The following IQGAP2 variants were observed in gnomAD, a reference collection of about 807,000 sequenced individuals.
The protein encoded by IQGAP2 is IQ motif containing GTPase activating protein 2.
In IQGAP2, 173 loss-of-function variants were observed where a neutral mutation model predicts 201.3. That is an observed-to-expected ratio of 0.86 (90% CI 0.76 to 0.98). The LOEUF is 0.98. Ranked by LOEUF, IQGAP2 falls within the 50% of genes least tolerant of loss-of-function variation. The pLI is 0.00. For synonymous variants in IQGAP2, 675 were observed against 673.9 expected (o/e 1.00, Z -0.03); for missense variants, 1,687 against 1,864.8 (o/e 0.90, Z 1.76).
intron 27 of IQGAP2, among the ~76,000 whole-genome samples, chr5:76,675,233 C>T (rs1188024288): frequency 6.6e-6 from 1 of 152,204 alleles, no homozygotes; most frequent in Admixed American, 6.5e-5. Flanking sequence ...ATGCAGAACC[C>T]ACATATACAA....
At chr5:76,555,649 T>TC (rs1743889650) in intron 2 of IQGAP2, among the ~76,000 whole-genome samples, 1 of 152,220 alleles carries the variant, frequency 6.6e-6, no homozygotes, top group South Asian at 2.1e-4. Flanking sequence ...CCTGTAAGGT[T>TC]CAGTAGTGTA....
At chr5:76,485,041 C>T (rs1398193927) in intron 2 of IQGAP2, among the ~76,000 whole-genome samples, 1 of 152,162 alleles carries the variant, frequency 6.6e-6, no homozygotes, top group Non-Finnish European at 1.5e-5. Flanking sequence ...GTTGCCCAGT[C>T]TGGTCTCCAG....
chr5:76,430,256 G>GC (rs11427370), intron 1 of IQGAP2, among the ~76,000 whole-genome samples: 129,286 of 152,128 alleles, frequency 0.85, 55,422 homozygotes, highest in Non-Finnish European at 0.9. Flanking sequence ...AGTGGGAATG[G>GC]CTGTCTCTGC....
At chr5:76,409,442 T>C (rs1397985678) in intron 1 of IQGAP2, among the ~76,000 whole-genome samples, 3 of 151,900 alleles carry the variant, frequency 2.0e-5, no homozygotes, top group African/African-American at 7.3e-5. Context: ...AGATGGGGTT[T>C]CATCATGTCG....
intron 2 of IQGAP2, among the ~76,000 whole-genome samples, chr5:76,498,099 A>C (rs1757086990): frequency 1.3e-5 from 2 of 152,192 alleles, no homozygotes; most frequent in African/African-American, 4.8e-5. Context: ...TAACTGTCTC[A>C]CAATAGTAAG....
chr5:76,570,184 C>G (rs1290294998), intron 3 of IQGAP2, among the ~76,000 whole-genome samples: 2 of 152,110 alleles, frequency 1.3e-5, no homozygotes, highest in Admixed American at 6.5e-5. Flanking sequence ...TCTAAAAATC[C>G]TGTCTTTTTC....
At chr5:76,565,601 G>A (rs1023263563) in intron 3 of IQGAP2, among the ~76,000 whole-genome samples, 4 of 152,172 alleles carry the variant, frequency 2.6e-5, no homozygotes, top group Non-Finnish European at 5.9e-5. Flanking sequence ...ATGCCATAGT[G>A]TATTGTAAAG....
At chr5:76,511,400 G>A (rs1468260082) in intron 2 of IQGAP2, among the ~76,000 whole-genome samples, 4 of 152,210 alleles carry the variant, frequency 2.6e-5, no homozygotes, top group Non-Finnish European at 5.9e-5. Context: ...CGCTGGACCT[G>A]TCAACTTCTA....
chr5:76,490,619 C>T (rs1756478524), intron 2 of IQGAP2, among the ~76,000 whole-genome samples: 1 of 152,080 alleles, frequency 6.6e-6, no homozygotes. Flanking sequence ...GCGGCCTGGC[C>T]AAAATGTAGC....
rs1751524888 is a variant in IQGAP2, at chr5:76,640,942, G to T, written c.1933G>T (p.Glu645Ter). 6.3e-7 allele frequency: 1 copy of T among 1,584,208 alleles called. No individual in the cohort carries two copies. The highest frequency in any genetic ancestry group is 1.3e-5 in the African/African-American group (1 of 74,564). ...AAATATCTCTTGCCAGGACATTATT[G>T]AGGAAGTCACAGTAGGTTACATTCG... Reference protein sequence around the residue: ...LTGKEIEDIIEEVTVGYIREN... With the variant: ...LTGKEIEDII The change falls in exon 17 of 36, where the codon GAG becomes TAG. Residue 645 changes from glutamate to a stop codon, truncating the protein, a stop_gained. Transcript: ENST00000274364. LOFTEE classifies it high-confidence loss of function.
In IQGAP2 at chr5:76,619,852, G is replaced by A. The variant is rs539493457; in HGVS notation, c.1522-7558G>A. On this transcript the variant is annotated intron_variant, in intron 13 of 35. Coordinates refer to ENST00000274364, the MANE Select transcript of IQGAP2 (RefSeq NM_006633.5). ...TCTTAAAATGAGATTTTCCTGGATT[G>A]CCTGGGTGGGTCAAATATAATCATA... Among the ~76,000 whole-genome samples the A allele has an allele frequency of 6.6e-5, 10 of 152,208 alleles. No homozygotes were observed. The East Asian group carries it at 1.7e-3, about 26-fold the overall frequency.
rs557038752 is a variant in IQGAP2, at chr5:76,466,695, C to T, written c.146+5026C>T. ...ACCTCTGCCTCACACCGTATACAAA[C>T]ATTTTCTTAAAATGGATTATTAACC... On this transcript the variant is annotated intron_variant, in intron 2 of 35. Transcript: ENST00000274364. Among the ~76,000 whole-genome samples, 3 of 152,288 alleles carry T rather than the reference C, an allele frequency of 2.0e-5. No individual in the cohort carries two copies. In the East Asian group the frequency reaches 5.8e-4, roughly 29 times the overall value.
At chr5:76,471,375 A>ACC (rs1554058998) in intron 2 of IQGAP2, among the ~76,000 whole-genome samples, 1 of 125,296 alleles carries the variant, frequency 8.0e-6, no homozygotes, top group African/African-American at 2.9e-5. Context: ...AAAAAAAAAA[A>ACC]AAAAAAAAAA....
intron 2 of IQGAP2, among the ~76,000 whole-genome samples, chr5:76,558,739 T>G (rs1385152385): frequency 6.6e-6 from 1 of 152,194 alleles, no homozygotes; most frequent in African/African-American, 2.4e-5. Flanking sequence ...CACCAAATTC[T>G]TATCACCAAC....
intron 1 of IQGAP2, among the ~76,000 whole-genome samples, chr5:76,447,613 C>T (rs1753472133): frequency 6.6e-6 from 1 of 152,142 alleles, no homozygotes; most frequent in Non-Finnish European, 1.5e-5. Flanking sequence ...CCCTAAGCTG[C>T]CTGCACATGT....
intron 13 of IQGAP2, chr5:76,616,627 A>C (rs1748998812): frequency 6.6e-6 from 1 of 152,624 alleles, no homozygotes; most frequent in African/African-American, 2.4e-5. Context: ...TGAGATAGGA[A>C]GATCACTCGA....
At chr5:76,432,818 C>T (rs1752448150) in intron 1 of IQGAP2, among the ~76,000 whole-genome samples, 1 of 152,216 alleles carries the variant, frequency 6.6e-6, no homozygotes, top group South Asian at 2.1e-4. Context: ...TGGCTGCATA[C>T]TCTCTGTTTG....
At chr5:76,427,560 G>A (rs1752079862) in intron 1 of IQGAP2, among the ~76,000 whole-genome samples, 1 of 152,166 alleles carries the variant, frequency 6.6e-6, no homozygotes, top group South Asian at 2.1e-4. Context: ...AGCATCCTAG[G>A]TTTTATCCTG....
At chr5:76,528,190 A>T (rs118032852) in intron 2 of IQGAP2, among the ~76,000 whole-genome samples, 1 of 152,202 alleles carries the variant, frequency 6.6e-6, no homozygotes, top group East Asian at 1.9e-4. Context: ...CTCTTGGCCA[A>T]ATTCTATCCA....
Sources: gnomAD v4.1 joint callset for allele counts (sites outside exome capture counted in the v4.1 genomes callset) on GRCh38, gnomAD v4.1.1 for gene constraint, MANE v1.5 for transcripts, NCBI Gene and HGNC (gene_info 2026-07-23, HGNC 2026-07-21) for gene names.